The following DNMT3A variants were observed in gnomAD, a reference collection of about 807,000 sequenced individuals.
The protein encoded by DNMT3A is DNA methyltransferase 3 alpha, also known as DNA (cytosine-5)-methyltransferase 3A.
Under a neutral mutation model 117.6 loss-of-function variants are expected in DNMT3A, and 267 were observed. The observed-to-expected ratio is 2.27, with a 90% CI of 2.05 to 2.51. The LOEUF is 2.51. DNMT3A is among the 30% of genes most tolerant of loss of function. The pLI, the probability that DNMT3A is intolerant of heterozygous loss-of-function variation, is 0.00. For missense variants in DNMT3A, 1,029 were observed against 1,260.2 expected (o/e 0.82, Z 2.78); for synonymous variants, 432 against 474.8 (o/e 0.91, Z 1.17).
chr2:25,273,716 TC>T (rs2031148596), intron 6 of DNMT3A, among the ~76,000 whole-genome samples: 1 of 152,064 alleles, frequency 6.6e-6, no homozygotes, highest in Non-Finnish European at 1.5e-5. Flanking sequence ...TGTTCCCACC[TC>T]CCCGACCCCC....
chr2:25,250,567 C>A (rs1479971673), intron 6 of DNMT3A, among the ~76,000 whole-genome samples: 1 of 152,214 alleles, frequency 6.6e-6, no homozygotes, highest in East Asian at 1.9e-4. Context: ...TAGCCATCGC[C>A]TCCTCCCCTA....
At chr2:25,249,158 G>A (rs1212158910) in intron 6 of DNMT3A, among the ~76,000 whole-genome samples, 1 of 152,174 alleles carries the variant, frequency 6.6e-6, no homozygotes, top group Non-Finnish European at 1.5e-5. Flanking sequence ...CCCAGTTACT[G>A]AGCAGGGAGG....
upstream of DNMT3A, chr2:25,342,018 G>C (rs1573524909): frequency 1.2e-5 from 10 of 864,396 alleles, no homozygotes; most frequent in Non-Finnish European, 1.4e-5. This position sits in a 1 kb window ranked among gnomAD's most constrained non-coding sequence, Gnocchi z 5.9. Context: ...CTCCTCCGCC[G>C]GGTCCCCCCC....
At chr2:25,323,475 T>G (rs1463860857) in intron 1 of DNMT3A, among the ~76,000 whole-genome samples, 2 of 152,212 alleles carry the variant, frequency 1.3e-5, no homozygotes, top group Non-Finnish European at 2.9e-5. Flanking sequence ...TTTCCAACAC[T>G]GGCCTTATTT....
At chr2:25,289,853 C>A (rs1208342327) in intron 3 of DNMT3A, among the ~76,000 whole-genome samples, 1 of 152,264 alleles carries the variant, frequency 6.6e-6, no homozygotes, top group East Asian at 1.9e-4. Flanking sequence ...TCCTCTTCCC[C>A]CTTTGCCCAA....
chr2:25,328,747 C>G (rs768573398), intron 1 of DNMT3A: 5 of 491,416 alleles, frequency 1.0e-5, no homozygotes, highest in Admixed American at 2.3e-5. Flanking sequence ...CTTGGCAGAG[C>G]CCCCAAGGCA....
At chr2:25,259,272 G>A (rs919943188) in intron 6 of DNMT3A, among the ~76,000 whole-genome samples, 3 of 152,198 alleles carry the variant, frequency 2.0e-5, no homozygotes, top group Admixed American at 6.5e-5. Flanking sequence ...TACCAGTGAC[G>A]GAGTCTGGGG....
In DNMT3A at chr2:25,254,870, C is replaced by T. The variant is rs1167919237; in HGVS notation, c.640-6618G>A. ...GACATAAGACTGCAATGATGCCGTG[C>T]GTGCAGCAAGGACTCAAGGTGTCAG... On this transcript the variant is annotated intron_variant, in intron 6 of 22. Coordinates refer to ENST00000321117, the MANE Select transcript of DNMT3A (RefSeq NM_022552.5). This position sits in a 1 kb window ranked among gnomAD's most constrained non-coding sequence, Gnocchi z 4.7. Among the ~76,000 whole-genome samples, 1 of 152,210 alleles carries T rather than the reference C, an allele frequency of 6.6e-6. No homozygotes were observed. The highest frequency in any genetic ancestry group is 1.9e-4 in the East Asian group (1 of 5,200).
rs2149289907 is a variant in DNMT3A at position 25,244,295 on chromosome 2, C to G, written c.1711G>C (p.Ala571Pro). ...TCTTCCTTAATGGCTGCCTGGGCAG[C>G]CCCCGGCCCCACCAAGAGGTCCACA... ...ECVDLLVGPG[A>P]AQAAIKEDPW... Residue 571 changes from alanine (A) to proline (P), a missense_variant, in exon 15 of 23, where the codon GCT becomes CCT. Transcript: ENST00000321117. The G allele has an allele frequency of 6.2e-7, 1 of 1,610,794 alleles. No homozygotes were observed.
intron 2 of DNMT3A, among the ~76,000 whole-genome samples, chr2:25,302,132 C>T (rs1285303106): frequency 6.6e-6 from 1 of 151,902 alleles, no homozygotes; most frequent in East Asian, 1.9e-4. Flanking sequence ...ACAGAGGTGC[C>T]CGGTCTTAGC....
At chr2:25,338,921 G>T (rs996773936) in intron 1 of DNMT3A, among the ~76,000 whole-genome samples, 4 of 152,136 alleles carry the variant, frequency 2.6e-5, no homozygotes, top group African/African-American at 9.7e-5. Context: ...GGAAACCTCA[G>T]AAATTATCCA....
rs1478803034 is a variant in DNMT3A at position 25,232,827 on chromosome 2, A to AT, written c.*1451dup. ...AAGAATAATTATAATAAAAGGTGTCATCAGCCTCCCAGTATAAAACTGCAG... is the reference window on the plus strand; with the variant it reads ...AAGAATAATTATAATAAAAGGTGTCATTCAGCCTCCCAGTATAAAACTGCAG... On this transcript the variant is annotated 3_prime_UTR_variant, in exon 23 of 23. Coordinates refer to ENST00000321117, the MANE Select transcript of DNMT3A (RefSeq NM_022552.5). The surrounding 1 kb of genome is among the most constrained non-coding windows in gnomAD (Gnocchi z 4.1). 1 of 221,492 alleles carries AT rather than the reference A, an allele frequency of 4.5e-6. No homozygotes were observed. The highest frequency in any genetic ancestry group is 2.2e-5 in the African/African-American group (1 of 44,620). The allele number at this position is 221,492 out of a possible 1,614,324, so 13.7% of individuals were successfully genotyped here. A position where few individuals can be genotyped will look rare whatever the true frequency, so the allele number is the denominator to read the frequency against.
chr2:25,304,168 G>T lies in DNMT3A; in HGVS notation c.73-3925C>A, dbSNP rs886615407. 2.0e-5 allele frequency among the ~76,000 whole-genome samples: 3 copies of T among 152,156 alleles called. No homozygotes were observed. Among genetic ancestry groups the T allele is most frequent in the East Asian group, 1.9e-4 (1 of 5,194 alleles). On this transcript the variant is annotated intron_variant, in intron 2 of 22. Coordinates refer to ENST00000321117, the MANE Select transcript of DNMT3A (RefSeq NM_022552.5). The surrounding 1 kb of genome is among the most constrained non-coding windows in gnomAD (Gnocchi z 4.3). The stretch of plus-strand genomic sequence containing the variant: ...TCCACACTTCCAGCGCAGAGGGGAG[G>T]GGGTGGAAATTCCAGACACGTAGGC...
At chr2:25,325,196 G>A (rs73920671) in intron 1 of DNMT3A, among the ~76,000 whole-genome samples, 5,260 of 152,162 alleles carry the variant, frequency 0.035, 303 homozygotes, top group African/African-American at 0.12. Flanking sequence ...GTTGTTCTCA[G>A]GAGCCAAAAT....
intron 6 of DNMT3A, among the ~76,000 whole-genome samples, chr2:25,273,776 G>A (rs576502201): frequency 2.6e-5 from 4 of 152,086 alleles, no homozygotes; most frequent in East Asian, 1.9e-4. Flanking sequence ...GTTGTCCAAC[G>A]CCATGGGCAT....
intron 1 of DNMT3A, among the ~76,000 whole-genome samples, chr2:25,321,270 AT>A (rs1273068383): frequency 1.3e-5 from 2 of 151,768 alleles, no homozygotes; most frequent in Admixed American, 6.6e-5. Flanking sequence ...TTTCCTTGAC[AT>A]TTTCAACATC....
intron 1 of DNMT3A, among the ~76,000 whole-genome samples, chr2:25,335,806 G>A (rs1482441430): frequency 6.6e-6 from 1 of 152,150 alleles, no homozygotes; most frequent in Non-Finnish European, 1.5e-5. Flanking sequence ...AAGCAGAGAG[G>A]AAAGATCAAT....
At chr2:25,322,237 CAG>C (rs1403966881) in intron 1 of DNMT3A, among the ~76,000 whole-genome samples, 2 of 152,094 alleles carry the variant, frequency 1.3e-5, no homozygotes, top group East Asian at 3.9e-4. Context: ...AATTTTTAAA[CAG>C]AGAGAGTGGG....
Position 25,234,490 on chromosome 2 carries a change from C to G in DNMT3A, c.2598-70G>C, listed in dbSNP as rs1673133112. On this transcript the variant is annotated intron_variant, in intron 22 of 22. Coordinates refer to ENST00000321117, the MANE Select transcript of DNMT3A (RefSeq NM_022552.5). This position sits in a 1 kb window ranked among gnomAD's most constrained non-coding sequence, Gnocchi z 4.5. ...CCAGGCTGCCCGGAAGCCGTCTAACCACACAGCAGGACCCGGAGGACCAGC... is the reference window on the plus strand; with the variant it reads ...CCAGGCTGCCCGGAAGCCGTCTAACGACACAGCAGGACCCGGAGGACCAGC... The G allele has an allele frequency of 6.5e-7, 1 of 1,532,822 alleles. No individual in the cohort carries two copies. The highest frequency in any genetic ancestry group is 1.9e-5 in the Admixed American group (1 of 51,866). The allele number at this position is 1,532,822 out of a possible 1,614,324, so 95.0% of individuals were successfully genotyped here.
Sources: allele counts gnomAD v4.1 joint callset (sites outside exome capture counted in the v4.1 genomes callset), GRCh38; gene constraint gnomAD v4.1.1; non-coding constraint Gnocchi (gnomAD v3.1); transcripts MANE v1.5; gene names NCBI Gene and HGNC (gene_info 2026-07-23, HGNC 2026-07-21).